Variants in ABCB11 observed in about 807,000 individuals in gnomAD.
ABCB11 encodes the protein ATP binding cassette subfamily B member 11.
Under a neutral mutation model 148.0 loss-of-function variants are expected in ABCB11, and 95 were observed. The observed-to-expected ratio is 0.64, with a 90% CI of 0.54 to 0.76. ABCB11 has a LOEUF of 0.76. ABCB11 is among the 30% of genes least tolerant of loss of function. The pLI is 0.00. For synonymous variants in ABCB11, 591 were observed against 555.4 expected (o/e 1.06, Z -0.90); for missense variants, 1,523 against 1,617.8 (o/e 0.94, Z 1.01).
At chr2:169,014,466 G>T in intron 3 of ABCB11, 112 bp from the exon 4 acceptor site, 1 of 1,048,938 alleles carries the variant, frequency 9.5e-7, no homozygotes, top group Non-Finnish European at 1.4e-6. Flanking sequence ...AATCCCCACT[G>T]GCTGGAAAAT....
chr2:168,967,493 C>T (rs529451883), intron 17 of ABCB11, among the ~76,000 whole-genome samples: 14 of 151,956 alleles, frequency 9.2e-5, no homozygotes, highest in African/African-American at 2.9e-4. Context: ...AATAAATCTG[C>T]GTTTGAACTA....
chr2:168,977,159 ATAT>A lies in ABCB11; in HGVS notation c.1198-475_1198-473del, dbSNP rs138613879. On this transcript the variant is annotated intron_variant, in intron 11 of 27. Transcript: ENST00000650372. ...TATAAATGTATAACATATGTTAACA[ATAT>A]TATTATATATTATATATTACTAAGA... is the stretch of plus-strand genomic sequence containing the variant. Among the ~76,000 whole-genome samples, 2,211 of 148,838 alleles carry A rather than the reference ATAT, an allele frequency of 0.015. 242 individuals are homozygous for A. The East Asian group carries it at 0.3, about 20-fold the overall frequency.
chr2:168,964,287 G>C lies in ABCB11; in HGVS notation c.2097C>G (p.Ser699=). 6.4e-7 allele frequency: 1 copy of C among 1,567,866 alleles called. No homozygotes were observed. Among genetic ancestry groups the C allele is most frequent in the Non-Finnish European group, 8.7e-7 (1 of 1,154,570 alleles). ...DSLRASIRQR[S]KSQLSYLVHE... Reference sequence around the variant, plus strand: ...GCACCAGGTAAGAAAGCTGAGACTTGGAGCGTTGCCGGATGGAAGCCCTGT... The same window carrying C: ...GCACCAGGTAAGAAAGCTGAGACTTCGAGCGTTGCCGGATGGAAGCCCTGT... Residue 699 remains serine, a synonymous_variant, in exon 18 of 28, where the codon TCC becomes TCG. Coordinates refer to ENST00000650372, the MANE Select transcript of ABCB11 (RefSeq NM_003742.4).
At position 168,979,904 on chromosome 2, in the gene ABCB11, G is replaced by A. The variant is rs760754635; in HGVS notation, c.1159C>T (p.Arg387Cys). ...SPCLEAFATG[R>C]AAATSIFETI... ...TCAAAAATGCTGGTGGCTGCTGCAC[G>A]TCCAGTTGCAAAGGCTTCCAAACAA... Residue 387 changes from arginine (R) to cysteine (C), a missense_variant, in exon 11 of 28, where the codon CGT (arginine) becomes TGT (cysteine). Arg to Cys is a radical substitution (Grantham distance 180, BLOSUM62 -3). Transcript: ENST00000650372. The A allele has an allele frequency of 8.1e-6, 13 of 1,606,706 alleles. No individual in the cohort carries two copies. Among genetic ancestry groups the A allele is most frequent in the East Asian group, 2.2e-5 (1 of 44,524 alleles).
chr2:168,975,298 T>TAA (rs1177503611), intron 12 of ABCB11, among the ~76,000 whole-genome samples: 2 of 40,214 alleles, frequency 5.0e-5, no homozygotes, highest in Admixed American at 2.1e-4. Flanking sequence ...TAAATATTTT[T>TAA]ATATTTAAAT....
intron 23 of ABCB11, among the ~76,000 whole-genome samples, chr2:168,933,362 G>T (rs369235552): frequency 5.3e-5 from 8 of 152,234 alleles, no homozygotes; most frequent in African/African-American, 1.9e-4. Flanking sequence ...CCTTCTACTT[G>T]TCTTAGCCTC....
At chr2:169,031,121 G>T (rs1162759571) in intron 1 of ABCB11, 104 bp downstream of exon 1, 1 of 152,078 alleles carries the variant, frequency 6.6e-6, no homozygotes, top group African/African-American at 2.4e-5. Context: ...TGTTTACACT[G>T]GACAAGAGAC....
chr2:168,996,636 TG>T lies in ABCB11; in HGVS notation c.475del (p.Gln159LysfsTer16). The T allele has an allele frequency of 6.6e-7, 1 of 1,507,806 alleles. No homozygotes were observed. 93.4% of individuals were successfully genotyped at this position (1,507,806 alleles called of 1,614,324 possible). On this transcript the variant is annotated frameshift_variant and splice_region_variant, in exon 6 of 28. Transcript: ENST00000650372. LOFTEE classifies it high-confidence loss of function. ...AAATTATACGGAGGAGCTACTAACT[TG>T]AATATATCCTGTGATAAGTACTGCG... ...AVAVLITGYIQICFWVIAAAR... is the reference protein window; with the variant it reads ...AVAVLITGYIXICFWVIAAAR...
Position 169,012,191 on chromosome 2 carries a change from C to G in ABCB11, c.389+1081G>C, listed in dbSNP as rs571719247. Reference sequence around the variant, plus strand: ...AAAACTATAAATTCCTCTGAGGGAGCCATTCCTAGTGTCTTTCTAGCCAAG... The same window carrying G: ...AAAACTATAAATTCCTCTGAGGGAGGCATTCCTAGTGTCTTTCTAGCCAAG... On this transcript the variant is annotated intron_variant, in intron 5 of 27. Transcript: ENST00000650372. 3.3e-5 allele frequency among the ~76,000 whole-genome samples: 5 copies of G among 152,182 alleles called. No individual in the cohort carries two copies. In the South Asian group the frequency reaches 1.0e-3, roughly 32 times the overall value.
rs767205211 is a variant in ABCB11 at position 169,013,525 on chromosome 2, G to T, written c.151-15C>A. 5.0e-6 allele frequency: 8 copies of T among 1,602,976 alleles called. No individual in the cohort carries two copies. Among genetic ancestry groups the T allele is most frequent in the East Asian group, 4.5e-5 (2 of 44,782 alleles). On this transcript the variant is annotated splice_polypyrimidine_tract_variant and intron_variant, in intron 4 of 27. Transcript: ENST00000650372. ...GAAAACCGAAACTTGAAAAACAAAG[G>T]GTTCAGAGATCATCTATGGGTGAAG...
chr2:168,972,615 T>C (rs1693633574), intron 13 of ABCB11, among the ~76,000 whole-genome samples: 3 of 152,014 alleles, frequency 2.0e-5, no homozygotes, highest in Non-Finnish European at 4.4e-5. Context: ...GCAGTTATGG[T>C]GGTAGGTAGT....
At chr2:168,959,773 G>T (rs967322037) in intron 18 of ABCB11, among the ~76,000 whole-genome samples, 8 of 151,400 alleles carry the variant, frequency 5.3e-5, no homozygotes, top group African/African-American at 1.9e-4. Flanking sequence ...CACTTCATTT[G>T]TTGGTATCAT....
chr2:168,953,886 T>C (rs1050615985), intron 19 of ABCB11, among the ~76,000 whole-genome samples: 3 of 151,610 alleles, frequency 2.0e-5, no homozygotes, highest in African/African-American at 7.3e-5. Flanking sequence ...CTTATCTACC[T>C]ATGACCTGGA....
intron 14 of ABCB11, 139 bp downstream of exon 14, chr2:168,971,708 T>A (rs1444282704): frequency 1.3e-6 from 1 of 751,462 alleles, no homozygotes; most frequent in Non-Finnish European, 2.2e-6. Context: ...CTCATGGTAC[T>A]TTTTCAGGCA....
chr2:169,017,964 C>A (rs766427967), intron 2 of ABCB11, 86 bp downstream of exon 2: 11 of 1,127,754 alleles, frequency 9.8e-6, no homozygotes, highest in Non-Finnish European at 1.4e-5. Context: ...TGATTTTTTT[C>A]TGCTCCTTGA....
intron 12 of ABCB11, among the ~76,000 whole-genome samples, chr2:168,974,741 A>G (rs1365216277): frequency 1.3e-5 from 2 of 151,940 alleles, no homozygotes; most frequent in East Asian, 1.9e-4. Flanking sequence ...AATGGCAAAA[A>G]CCTCAATTAC....
At chr2:168,919,447 T>C (rs1364222709), downstream of ABCB11, among the ~76,000 whole-genome samples, 2 of 152,038 alleles carry the variant, frequency 1.3e-5, no homozygotes, top group African/African-American at 4.8e-5. Flanking sequence ...TGGGGGACAT[T>C]CCTCTCAGAA....
intron 19 of ABCB11, among the ~76,000 whole-genome samples, chr2:168,948,470 G>A (rs561308074): frequency 3.3e-5 from 5 of 150,198 alleles, no homozygotes; most frequent in African/African-American, 1.2e-4. Flanking sequence ...GAAAACTATA[G>A]GTGGTAAATA....
chr2:169,026,173 A>G (rs59816700), intron 1 of ABCB11, among the ~76,000 whole-genome samples: 6,607 of 152,302 alleles, frequency 0.043, 459 homozygotes, highest in African/African-American at 0.15. Flanking sequence ...ATGTCTAATA[A>G]GAGAATAACA....
Sources: gnomAD v4.1 joint callset for allele counts (sites outside exome capture counted in the v4.1 genomes callset) on GRCh38, gnomAD v4.1.1 for gene constraint, MANE v1.5 for transcripts, NCBI Gene and HGNC (gene_info 2026-07-23, HGNC 2026-07-21) for gene names.